Variants in DNAH7 observed in about 807,000 individuals in gnomAD.
DNAH7 encodes axonemal beta dynein heavy chain 7.
In DNAH7, 397 loss-of-function variants were observed where a neutral mutation model predicts 444.6. The ratio of observed to expected loss-of-function variants is 0.89; its 90% CI spans 0.82 to 0.97. The LOEUF (loss-of-function observed/expected upper bound fraction) is 0.97. DNAH7 is among the 50% of genes least tolerant of loss of function. The probability of loss-of-function intolerance (pLI) is 0.00; values close to 1 mark genes in which losing one functional copy is unlikely to be tolerated. For missense variants in DNAH7, 4,902 were observed against 4,800.8 expected (o/e 1.02, Z -0.62); for synonymous variants, 1,636 against 1,624.4 (o/e 1.01, Z -0.17).
intron 19 of DNAH7, among the ~76,000 whole-genome samples, chr2:195,950,851 CA>C (rs67782183): frequency 0.036 from 1,332 of 36,566 alleles, 4 homozygotes; most frequent in Middle Eastern, 0.1. Context: ...GACTCTGTCT[CA>C]AAAAAAAAAA....
At chr2:195,862,712 CT>C (rs1700094687) in intron 41 of DNAH7, among the ~76,000 whole-genome samples, 1 of 152,154 alleles carries the variant, frequency 6.6e-6, no homozygotes, top group African/African-American at 2.4e-5. Context: ...AATACTGACA[CT>C]TTTTTGTCTT....
intron 7 of DNAH7, among the ~76,000 whole-genome samples, chr2:196,025,232 T>C (rs1409082132): frequency 6.6e-6 from 1 of 152,186 alleles, no homozygotes; most frequent in African/African-American, 2.4e-5. Flanking sequence ...CTCTTTTAAG[T>C]TGCATAAGAG....
chr2:196,053,398 A>G (rs1387433817), intron 2 of DNAH7, among the ~76,000 whole-genome samples: 3 of 152,256 alleles, frequency 2.0e-5, no homozygotes, highest in South Asian at 4.1e-4. Flanking sequence ...TTGCCCAAGC[A>G]TAACTAGTAG....
At chr2:196,020,947 AAC>A in intron 8 of DNAH7, among the ~76,000 whole-genome samples, 1 of 152,172 alleles carries the variant, frequency 6.6e-6, no homozygotes, top group African/African-American at 2.4e-5. Flanking sequence ...AAGAAAATAA[AAC>A]TGAAGTGGTT....
At chr2:195,987,228 G>T in intron 13 of DNAH7, 35 bp from the exon 14 acceptor site, 1 of 1,442,326 alleles carries the variant, frequency 6.9e-7, no homozygotes, top group Non-Finnish European at 9.3e-7. Context: ...AACATAAGAA[G>T]AAATAAAACA....
rs752597952 is a variant in DNAH7 at position 196,058,054 on chromosome 2, CA to C, written c.77del (p.Met26ArgfsTer4). The C allele has an allele frequency of 6.5e-7, 1 of 1,542,960 alleles. No homozygotes were observed. The highest frequency in any genetic ancestry group is 8.8e-7 in the Non-Finnish European group (1 of 1,142,280). On this transcript the variant is annotated frameshift_variant and splice_region_variant, in exon 2 of 65. Coordinates refer to ENST00000312428, the MANE Select transcript of DNAH7 (RefSeq NM_018897.3). LOFTEE classifies it high-confidence loss of function. ...GTATGATGGTATATTGGTAAATTAC[CA>C]TAGACAGCTGTGGTAGAAATCTTAC... ...KPVRFLPQLSMEKLASKEKFK... is the reference protein window; with the variant it reads ...KPVRFLPQLSXEKLASKEKFK...
At chr2:195,774,153 C>G (rs1694963278) in intron 60 of DNAH7, among the ~76,000 whole-genome samples, 1 of 152,092 alleles carries the variant, frequency 6.6e-6, no homozygotes, top group South Asian at 2.1e-4. Context: ...TTGGAATGAC[C>G]CCACTGTTTT....
chr2:195,962,613 G>T (rs2125537785), intron 17 of DNAH7, among the ~76,000 whole-genome samples: 1 of 152,316 alleles, frequency 6.6e-6, no homozygotes, highest in East Asian at 1.9e-4. Context: ...GCCTCCCAAA[G>T]TGCTGGGATT....
At chr2:195,836,697 G>T (rs930976045) in intron 47 of DNAH7, among the ~76,000 whole-genome samples, 2 of 152,030 alleles carry the variant, frequency 1.3e-5, no homozygotes, top group Non-Finnish European at 2.9e-5. Context: ...AGGGAAATTA[G>T]AAAGAAATAA....
intron 12 of DNAH7, among the ~76,000 whole-genome samples, chr2:195,990,891 T>TTATATACATATATACTTAAATA (rs1693276242): frequency 7.7e-6 from 1 of 129,216 alleles, no homozygotes; most frequent in East Asian, 2.3e-4. Flanking sequence ...ACATATATAC[T>TTATATACATATATACTTAAATA]TATATACATA....
chr2:196,048,315 A>C lies in DNAH7; in HGVS notation c.231T>G (p.Val77=). The part of the protein sequence containing the change: ...QDDESPEPFS[V]KNEQSHAEYM... ...TCTTACCATGGGACTGTTCATTTTT[A>C]ACACTAAATGGTTCTGGACTCTCAT... Residue 77 remains valine, a synonymous_variant, in exon 4 of 65, where the codon GTT becomes GTG. Transcript: ENST00000312428. 1 of 1,613,522 alleles carries C rather than the reference A, an allele frequency of 6.2e-7. No individual in the cohort carries two copies. The highest frequency in any genetic ancestry group is 8.5e-7 in the Non-Finnish European group (1 of 1,179,624).
chr2:195,835,323 G>A (rs1698295762), intron 47 of DNAH7, among the ~76,000 whole-genome samples: 3 of 142,980 alleles, frequency 2.1e-5, no homozygotes, highest in Admixed American at 1.5e-4. Flanking sequence ...AAAGTGAGCA[G>A]AGCCAATTCA....
At chr2:195,757,691 G>C (rs1305349580) in intron 61 of DNAH7, among the ~76,000 whole-genome samples, 1 of 152,166 alleles carries the variant, frequency 6.6e-6, no homozygotes, top group Non-Finnish European at 1.5e-5. Flanking sequence ...TGGACTGCTG[G>C]TAGTAGATTT....
rs181009603 is a variant in DNAH7 at position 196,056,906 on chromosome 2, T to G, written c.78+1148A>C. 1.5e-3 allele frequency among the ~76,000 whole-genome samples: 225 copies of G among 152,310 alleles called. 1 individual carries two copies. The highest frequency in any genetic ancestry group is 2.6e-3 in the Non-Finnish European group (179 of 68,014). ...CTTTCATTGTTCAACTCTAATCTTG[T>G]TCCATAAAAGATTTAAGACTTGTGG... On this transcript the variant is annotated intron_variant, in intron 2 of 64. Coordinates refer to ENST00000312428, the MANE Select transcript of DNAH7 (RefSeq NM_018897.3).
At chr2:195,813,931 G>A (rs1697101301) in intron 51 of DNAH7, among the ~76,000 whole-genome samples, 1 of 152,180 alleles carries the variant, frequency 6.6e-6, no homozygotes, top group Non-Finnish European at 1.5e-5. Context: ...ATGACGTTGA[G>A]TGCAAGATAT....
intron 10 of DNAH7, among the ~76,000 whole-genome samples, chr2:196,007,909 C>G (rs1694482333): frequency 6.6e-6 from 1 of 151,924 alleles, no homozygotes; most frequent in Admixed American, 6.6e-5. Context: ...AAGGCACAAA[C>G]AACCAAAGAA....
intron 63 of DNAH7, among the ~76,000 whole-genome samples, 194 bp downstream of exon 63, chr2:195,754,143 C>T (rs1693950074): frequency 6.6e-6 from 1 of 152,196 alleles, no homozygotes; most frequent in African/African-American, 2.4e-5. Context: ...TTCCCCCTCA[C>T]CCCTTCTCTT....
chr2:195,969,699 T>G (rs1691714002), intron 17 of DNAH7, among the ~76,000 whole-genome samples: 1 of 152,126 alleles, frequency 6.6e-6, no homozygotes, highest in African/African-American at 2.4e-5. Context: ...AAAGCAAAGT[T>G]TAAAAAGAAG....
At chr2:196,046,916 G>A (rs1046049521) in intron 5 of DNAH7, among the ~76,000 whole-genome samples, 3 of 152,194 alleles carry the variant, frequency 2.0e-5, no homozygotes, top group Non-Finnish European at 1.5e-5. Context: ...TGCTCTTTAT[G>A]AACTGTCCTG....
Sources: gnomAD v4.1 joint callset for allele counts (sites outside exome capture counted in the v4.1 genomes callset) on GRCh38, gnomAD v4.1.1 for gene constraint, MANE v1.5 for transcripts, NCBI Gene and HGNC (gene_info 2026-07-23, HGNC 2026-07-21) for gene names.